The following AGO2 variants were observed in gnomAD, a reference collection of about 807,000 sequenced individuals.
AGO2 encodes the protein protein argonaute-2.
A neutral mutation model predicts 102.3 loss-of-function variants in AGO2; 5 were observed. That is an observed-to-expected ratio of 0.05 (90% CI 0.03 to 0.10). The LOEUF (loss-of-function observed/expected upper bound fraction) is 0.10. Ranked by LOEUF, AGO2 falls within the 10% of genes least tolerant of loss-of-function variation. AGO2 has a pLI of 1.00. For synonymous variants in AGO2, 449 were observed against 473.1 expected, an observed-to-expected ratio of 0.95 and a Z score of 0.66; for missense variants, 541 against 1,183.7, an observed-to-expected ratio of 0.46 and a Z score of 7.97.
chr8:140,577,207 C>CAAAAAAAAA (rs10661844), intron 2 of AGO2, among the ~76,000 whole-genome samples: 6 of 70,734 alleles, frequency 8.5e-5, no homozygotes, highest in East Asian at 4.2e-4. Context: ...GACTCCATCT[C>CAAAAAAAAA]AAAAAAAAAA....
chr8:140,607,738 T>C (rs2074022920), intron 1 of AGO2, among the ~76,000 whole-genome samples: 1 of 151,902 alleles, frequency 6.6e-6, no homozygotes, highest in Non-Finnish European at 1.5e-5. Flanking sequence ...CAGGCCATTC[T>C]GTGGAGATGG....
At chr8:140,598,190 G>A (rs764033309) in intron 1 of AGO2, among the ~76,000 whole-genome samples, 1 of 152,340 alleles carries the variant, frequency 6.6e-6, no homozygotes, top group South Asian at 2.1e-4. Context: ...GAGCGTCCAC[G>A]ACCCGTATGG....
chr8:140,554,429 C>T (rs894853800), intron 10 of AGO2, among the ~76,000 whole-genome samples: 6 of 152,188 alleles, frequency 3.9e-5, no homozygotes, highest in African/African-American at 1.4e-4. Context: ...AAGACACACA[C>T]GAACAGCAAC....
At chr8:140,549,804 G>A (rs533285505) in intron 11 of AGO2, among the ~76,000 whole-genome samples, 1 of 152,370 alleles carries the variant, frequency 6.6e-6, no homozygotes, top group Admixed American at 6.5e-5. Context: ...CATCACGAGA[G>A]AAAACAGCAG....
chr8:140,628,398 CGTGT>C (rs959783922), intron 1 of AGO2, among the ~76,000 whole-genome samples: 5 of 150,906 alleles, frequency 3.3e-5, no homozygotes, highest in African/African-American at 9.9e-5. Flanking sequence ...TGTGTGTGTG[CGTGT>C]GTGTGTGTTA....
intron 1 of AGO2, among the ~76,000 whole-genome samples, chr8:140,600,927 G>A (rs553956019): frequency 6.0e-5 from 9 of 151,204 alleles, no homozygotes; most frequent in South Asian, 4.2e-4. Context: ...GTGAGGCTCC[G>A]TCTCAAAAAA....
chr8:140,532,585 G>A lies in AGO2; in HGVS notation c.2302C>T (p.Leu768Phe). The A allele has an allele frequency of 6.2e-7, 1 of 1,614,274 alleles. No homozygotes were observed. The highest frequency in any genetic ancestry group is 8.5e-7 in the Non-Finnish European group (1 of 1,180,052). ...GTSRPSHYHV[L>F]WDDNRFSSDE... ...GAGGAGAAACGATTGTCGTCCCAGA[G>A]GACGTGATAGTGCGAAGGCCTGCTT... Residue 768 changes from leucine (L) to phenylalanine (F), a missense_variant, in exon 18 of 19, where the codon CTC (leucine) becomes TTC (phenylalanine). Around this residue, in one of 6 missense-constraint regions of AGO2, gnomAD observed 309 missense variants for 735.1 expected, o/e 0.42. Coordinates refer to ENST00000220592, the MANE Select transcript of AGO2 (RefSeq NM_012154.5).
chr8:140,629,213 A>G (rs1425533894), intron 1 of AGO2, among the ~76,000 whole-genome samples: 1 of 152,224 alleles, frequency 6.6e-6, no homozygotes, highest in Non-Finnish European at 1.5e-5. Context: ...ACGAAACAGT[A>G]GGGGCCAGGC....
intron 16 of AGO2, among the ~76,000 whole-genome samples, chr8:140,536,208 C>A (rs1180351774): frequency 6.6e-6 from 1 of 152,228 alleles, no homozygotes; most frequent in Non-Finnish European, 1.5e-5. Flanking sequence ...CAGCAGCAAA[C>A]CCCCACCCCA....
chr8:140,606,703 G>A (rs1009550885), intron 1 of AGO2, among the ~76,000 whole-genome samples: 1 of 152,196 alleles, frequency 6.6e-6, no homozygotes, highest in East Asian at 1.9e-4. Flanking sequence ...TTGGGAGGCC[G>A]AGGTGGGCAG....
At chr8:140,596,576 T>TC (rs2073847098) in intron 1 of AGO2, among the ~76,000 whole-genome samples, 1 of 152,116 alleles carries the variant, frequency 6.6e-6, no homozygotes, top group African/African-American at 2.4e-5. Context: ...AGAGCAAAAC[T>TC]CCATCTCAAA....
intron 2 of AGO2, among the ~76,000 whole-genome samples, chr8:140,575,538 C>T (rs887921992): frequency 6.6e-6 from 1 of 152,200 alleles, no homozygotes; most frequent in Admixed American, 6.5e-5. Context: ...AAGGTGGGTT[C>T]TACTCACATT....
intron 17 of AGO2, 84 bp from the exon 18 acceptor site, chr8:140,532,699 T>G (rs2072619411): frequency 7.1e-7 from 1 of 1,404,704 alleles, no homozygotes; most frequent in Non-Finnish European, 9.8e-7. Context: ...ATTTGTATTA[T>G]TAAAAATGCA....
At position 140,567,992 on chromosome 8, in the gene AGO2, G is replaced by A. The variant is rs1010243879; in HGVS notation, c.336+4820C>T. The stretch of plus-strand genomic sequence containing the variant: ...AGAAAATTAGTGGCGGGGCACAGTG[G>A]CTCACACCTGTAATCTCAGCACTTT... On this transcript the variant is annotated intron_variant, in intron 3 of 18. Coordinates refer to ENST00000220592, the MANE Select transcript of AGO2 (RefSeq NM_012154.5). This position sits in a 1 kb window ranked among gnomAD's most constrained non-coding sequence, Gnocchi z 5.0. Among the ~76,000 whole-genome samples, 1 of 151,402 alleles carries A rather than the reference G, an allele frequency of 6.6e-6. No homozygotes were observed. The highest frequency in any genetic ancestry group is 1.5e-5 in the Non-Finnish European group (1 of 67,960).
At chr8:140,634,046 G>A (rs1221474501) in intron 1 of AGO2, among the ~76,000 whole-genome samples, 1 of 152,226 alleles carries the variant, frequency 6.6e-6, no homozygotes, top group Non-Finnish European at 1.5e-5. Context: ...GGGATGCCCG[G>A]TCCTTTCCCA....
In AGO2 at chr8:140,541,227, C is replaced by T. The variant is rs745418916; in HGVS notation, c.1971G>A (p.Thr657=). ...AGATGATGCGGGTGGGCTTGAAGCG[C>T]GTGGACTTGTAGAACTGGATGAGGA... is the stretch of plus-strand genomic sequence containing the variant. ...RELLIQFYKS[T]RFKPTRIIFY... The change falls in exon 15 of 19, where the codon ACG becomes ACA. Residue 657 remains threonine, a synonymous_variant. Coordinates refer to ENST00000220592, the MANE Select transcript of AGO2 (RefSeq NM_012154.5). 3.4e-5 allele frequency: 55 copies of T among 1,607,556 alleles called. No individual in the cohort carries two copies. The highest frequency in any genetic ancestry group is 2.7e-4 in the Admixed American group (16 of 58,580).
chr8:140,579,404 C>T (rs774174106), intron 2 of AGO2, among the ~76,000 whole-genome samples: 3 of 152,166 alleles, frequency 2.0e-5, no homozygotes, highest in African/African-American at 4.8e-5. Flanking sequence ...ACTTCTGAGG[C>T]GCCCATTTTC....
intron 16 of AGO2, among the ~76,000 whole-genome samples, chr8:140,536,207 AC>A (rs1236259804): frequency 6.6e-6 from 1 of 152,128 alleles, no homozygotes; most frequent in African/African-American, 2.4e-5. Context: ...CCAGCAGCAA[AC>A]CCCCACCCCA....
chr8:140,598,721 C>A (rs910568750), intron 1 of AGO2, among the ~76,000 whole-genome samples: 4 of 152,212 alleles, frequency 2.6e-5, no homozygotes, highest in Admixed American at 2.6e-4. Context: ...CACTCCCCAA[C>A]CCCGTTTCCT....
Sources: gnomAD v4.1 joint callset for allele counts (sites outside exome capture counted in the v4.1 genomes callset) on GRCh38, gnomAD v4.1.1 for gene constraint, gnomAD v4.1.1 regional missense constraint, Gnocchi (gnomAD v3.1) non-coding constraint, MANE v1.5 for transcripts, NCBI Gene and HGNC (gene_info 2026-07-23, HGNC 2026-07-21) for gene names.